Variants in PDE6G observed in about 807,000 individuals in gnomAD.
The protein encoded by PDE6G is rod cGMP 3',5'-cyclic phosphodiesterase subunit gamma.
Under a neutral mutation model 10.9 loss-of-function variants are expected in PDE6G, and 10 were observed. That is an observed-to-expected ratio of 0.91 (90% CI 0.56 to 1.55). The LOEUF (loss-of-function observed/expected upper bound fraction) is 1.55. Among genes scored for constraint, PDE6G ranks in the 40% most tolerant of loss-of-function variants. PDE6G has a pLI of 0.00. For missense variants in PDE6G, 102 were observed against 110.1 expected (o/e 0.93, Z 0.33); for synonymous variants, 41 against 42.8 (o/e 0.96, Z 0.16).
At chr17:81,657,867 C>T (rs1034931716), upstream of PDE6G, among the ~76,000 whole-genome samples, 1 of 150,190 alleles carries the variant, frequency 6.7e-6, no homozygotes, top group African/African-American at 2.5e-5. Flanking sequence ...GGCGACAGAG[C>T]GAGATTCTGT....
At position 81,650,690 on chromosome 17, in the gene PDE6G, C is replaced by T. The variant is rs778471285; in HGVS notation, c.*384G>A. 38 of 457,446 alleles carry T rather than the reference C, an allele frequency of 8.3e-5. No individual in the cohort carries two copies. The highest frequency in any genetic ancestry group is 1.4e-4 in the Non-Finnish European group (31 of 228,736). The allele number at this position is 457,446 out of a possible 1,614,324, so 28.3% of individuals were successfully genotyped here. A position where few individuals can be genotyped will look rare whatever the true frequency, so the allele number is the denominator to read the frequency against. ...AGGACAGGGGGCTGGGGTGCAGAAGCACTCTGGGGAGACCTGCCCTAGCTT... is the reference window on the plus strand; with the variant it reads ...AGGACAGGGGGCTGGGGTGCAGAAGTACTCTGGGGAGACCTGCCCTAGCTT... On this transcript the variant is annotated 3_prime_UTR_variant, in exon 4 of 4. Coordinates refer to ENST00000331056, the MANE Select transcript of PDE6G (RefSeq NM_002602.4).
chr17:81,654,351 G>GCGTCTC (rs1281216521), intron 1 of PDE6G, among the ~76,000 whole-genome samples: 1 of 151,606 alleles, frequency 6.6e-6, no homozygotes, highest in African/African-American at 2.4e-5. Flanking sequence ...AGGCTGGTGG[G>GCGTCTC]CGTCTCCCGG....
At position 81,653,135 on chromosome 17, in the gene PDE6G, G is replaced by A. The variant is rs772881387; in HGVS notation, c.146+25C>T. The A allele has an allele frequency of 6.8e-6, 11 of 1,613,340 alleles. No individual in the cohort carries two copies. The African/African-American group carries it at 1.3e-4, about 20-fold the overall frequency. The stretch of plus-strand genomic sequence containing the variant: ...TCAGGACCGCCTCCTCCCTTTCAGA[G>A]GCCCCATCCCCCAGCTCTGCTTACC... On this transcript the variant is annotated intron_variant, in intron 2 of 3. Transcript: ENST00000331056. The surrounding 1 kb of genome is among the most constrained non-coding windows in gnomAD (Gnocchi z 5.2).
At chr17:81,654,729 C>T (rs1485730822) in intron 1 of PDE6G, among the ~76,000 whole-genome samples, 1 of 150,300 alleles carries the variant, frequency 6.7e-6, no homozygotes, top group Non-Finnish European at 1.5e-5. Context: ...GATCCTATTC[C>T]AGAGCTGTGG....
upstream of PDE6G, among the ~76,000 whole-genome samples, chr17:81,660,843 C>G (rs768146354): frequency 6.6e-6 from 1 of 152,164 alleles, no homozygotes; most frequent in East Asian, 1.9e-4. Flanking sequence ...TATCTACAGG[C>G]TAAGCAGATT....
At chr17:81,661,447 T>C (rs1305689890), upstream of PDE6G, among the ~76,000 whole-genome samples, 1 of 152,230 alleles carries the variant, frequency 6.6e-6, no homozygotes, top group East Asian at 1.9e-4. Flanking sequence ...CCAGGCACAG[T>C]GGCTCATGCC....
At position 81,653,439 on chromosome 17, in the gene PDE6G, G is replaced by A; in HGVS notation, c.-59-75C>T. 1 of 1,051,656 alleles carries A rather than the reference G, an allele frequency of 9.5e-7. No homozygotes were observed. The highest frequency in any genetic ancestry group is 1.4e-6 in the Non-Finnish European group (1 of 717,146). 65.1% of individuals were successfully genotyped at this position (1,051,656 alleles called of 1,614,324 possible). On this transcript the variant is annotated intron_variant, in intron 1 of 3. Coordinates refer to ENST00000331056, the MANE Select transcript of PDE6G (RefSeq NM_002602.4). The surrounding 1 kb of genome is among the most constrained non-coding windows in gnomAD (Gnocchi z 5.2). The stretch of plus-strand genomic sequence containing the variant: ...CTTGTGGGGGTCTCAACCCACCGGT[G>A]GAGGGGCTGAGACCCAGCCCCGCCA...
rs1053456529 is a variant in PDE6G, at chr17:81,651,560, G to A, written c.187+85C>T. 5 of 1,266,078 alleles carry A rather than the reference G, an allele frequency of 3.9e-6. No individual in the cohort carries two copies. In the African/African-American group the frequency reaches 5.9e-5, roughly 15 times the overall value. 78.4% of individuals were successfully genotyped at this position (1,266,078 alleles called of 1,614,324 possible). A position where few individuals can be genotyped will look rare whatever the true frequency, so the allele number is the denominator to read the frequency against. ...GAAAAGCAGGGGAGGTGGGGGCCGA[G>A]GTGGGCTGCAATGGGCCCCGGGCGT... On this transcript the variant is annotated intron_variant, in intron 3 of 3. Coordinates refer to ENST00000331056, the MANE Select transcript of PDE6G (RefSeq NM_002602.4). This position sits in a 1 kb window ranked among gnomAD's most constrained non-coding sequence, Gnocchi z 4.8.
At chr17:81,657,138 C>T, upstream of PDE6G, 1 of 162,392 alleles carries the variant, frequency 6.2e-6, no homozygotes, top group Non-Finnish European at 1.4e-5. Flanking sequence ...GAGCTTAGAA[C>T]AACAGATGGA....
chr17:81,651,737 C>A lies in PDE6G; in HGVS notation c.147-52G>T. The A allele has an allele frequency of 6.3e-7, 1 of 1,592,564 alleles. No homozygotes were observed. The highest frequency in any genetic ancestry group is 8.6e-7 in the Non-Finnish European group (1 of 1,162,920). ...TGGCCGGGCCCAGTCCTGGCTCAGTCAGCCTGAGGCCCGAGGTCATCTCTA... is the reference window on the plus strand; with the variant it reads ...TGGCCGGGCCCAGTCCTGGCTCAGTAAGCCTGAGGCCCGAGGTCATCTCTA... On this transcript the variant is annotated intron_variant, in intron 2 of 3. Transcript: ENST00000331056. This position sits in a 1 kb window ranked among gnomAD's most constrained non-coding sequence, Gnocchi z 4.8.
chr17:81,654,747 C>T (rs573364922), intron 1 of PDE6G, among the ~76,000 whole-genome samples: 28 of 146,542 alleles, frequency 1.9e-4, no homozygotes, highest in African/African-American at 6.7e-4. Context: ...TGGCTGGAAT[C>T]TCACCTTTTT....
chr17:81,656,695 C>T, upstream of PDE6G: 1 of 697,480 alleles, frequency 1.4e-6, no homozygotes, highest in Non-Finnish European at 2.6e-6. Flanking sequence ...CTGTCAAGGG[C>T]TCCAAGGAAG....
upstream of PDE6G, among the ~76,000 whole-genome samples, chr17:81,661,215 T>C (rs538625254): frequency 2.0e-4 from 30 of 152,316 alleles, no homozygotes; most frequent in Admixed American, 1.1e-3. Context: ...CATCTCCACA[T>C]ACAGACACAG....
At position 81,651,093 on chromosome 17, in the gene PDE6G, G is replaced by A. The variant is rs772515553; in HGVS notation, c.245C>T (p.Ala82Val). The A allele has an allele frequency of 3.7e-6, 6 of 1,613,432 alleles. No individual in the cohort carries two copies. The Middle Eastern group carries it at 5.0e-4, about 133-fold the overall frequency. Residue 82 changes from alanine to valine, a missense_variant, in exon 4 of 4, where the codon GCC (alanine) becomes GTC (valine). Coordinates refer to ENST00000331056, the MANE Select transcript of PDE6G (RefSeq NM_002602.4). This position sits in a 1 kb window ranked among gnomAD's most constrained non-coding sequence, Gnocchi z 4.8. ...CTCGTGCTAGATGATGCCATATTGG[G>A]CCAGCTCGTGCAGCTCCAGGTGGTT... The part of the protein sequence containing the change: ...AFNHLELHEL[A>V]QYGII
upstream of PDE6G, among the ~76,000 whole-genome samples, chr17:81,657,269 G>T (rs2036458139): frequency 6.6e-6 from 1 of 152,200 alleles, no homozygotes; most frequent in East Asian, 1.9e-4. Flanking sequence ...GACCTCACAT[G>T]AGCGGGAGCT....
At position 81,656,431 on chromosome 17, in the gene PDE6G, C is replaced by T. The variant is rs867464282; in HGVS notation, c.-60+62G>A. On this transcript the variant is annotated intron_variant, in intron 1 of 3. Transcript: ENST00000331056. ...TCTGCCCCTTGGGTGATGAGCAGAC[C>T]CCCACTGACTCACTGGGGGAAGTGG... The T allele has an allele frequency of 5.5e-6, 4 of 722,004 alleles. No homozygotes were observed. The Middle Eastern group carries it at 8.7e-4, about 157-fold the overall frequency. The allele number at this position is 722,004 out of a possible 1,614,324, so 44.7% of individuals were successfully genotyped here. A position where few individuals can be genotyped will look rare whatever the true frequency, so the allele number is the denominator to read the frequency against.
In PDE6G at chr17:81,651,696, A is replaced by G. The variant is rs1357445006; in HGVS notation, c.147-11T>C. 1.2e-6 allele frequency: 2 copies of G among 1,613,962 alleles called. No individual in the cohort carries two copies. The highest frequency in any genetic ancestry group is 1.7e-5 in the Admixed American group (1 of 60,008). ...ATGTCGTCCCCAAACCTGCAAGGAC[A>G]GAGCACTCAGGGACATGGCCGGGCC... On this transcript the variant is annotated splice_polypyrimidine_tract_variant and intron_variant, in intron 2 of 3. Coordinates refer to ENST00000331056, the MANE Select transcript of PDE6G (RefSeq NM_002602.4). This position sits in a 1 kb window ranked among gnomAD's most constrained non-coding sequence, Gnocchi z 4.8.
At position 81,650,867 on chromosome 17, in the gene PDE6G, C is replaced by A; in HGVS notation, c.*207G>T. On this transcript the variant is annotated 3_prime_UTR_variant, in exon 4 of 4. Coordinates refer to ENST00000331056, the MANE Select transcript of PDE6G (RefSeq NM_002602.4). ...TCTCCAGATGTTGAGCAGGGCCTGG[C>A]CAGCCCCTGAGGGGGCATCCTAGAG... 1.5e-6 allele frequency: 1 copy of A among 648,070 alleles called. No individual in the cohort carries two copies. The highest frequency in any genetic ancestry group is 2.8e-6 in the Non-Finnish European group (1 of 350,998). The allele number at this position is 648,070 out of a possible 1,614,324, so 40.1% of individuals were successfully genotyped here.
In PDE6G at chr17:81,651,272, G is replaced by C; in HGVS notation, c.188-122C>G. The C allele has an allele frequency of 1.3e-6, 1 of 753,018 alleles. No homozygotes were observed. The highest frequency in any genetic ancestry group is 1.5e-5 in the South Asian group (1 of 66,756). The allele number at this position is 753,018 out of a possible 1,614,324, so 46.6% of individuals were successfully genotyped here. A position where few individuals can be genotyped will look rare whatever the true frequency, so the allele number is the denominator to read the frequency against. ...TACAGTGTGCTGAGCGGGGACGTGC[G>C]GACGCTGGAGTGGGGCCCTCCTCTG... On this transcript the variant is annotated intron_variant, in intron 3 of 3. Transcript: ENST00000331056. The surrounding 1 kb of genome is among the most constrained non-coding windows in gnomAD (Gnocchi z 4.8).
Sources: allele counts gnomAD v4.1 joint callset (sites outside exome capture counted in the v4.1 genomes callset), GRCh38; gene constraint gnomAD v4.1.1; non-coding constraint Gnocchi (gnomAD v3.1); transcripts MANE v1.5; gene names NCBI Gene and HGNC (gene_info 2026-07-23, HGNC 2026-07-21).